The following FZD6 variants were observed in gnomAD, a reference collection of about 807,000 sequenced individuals.
FZD6 encodes frizzled class receptor 6.
Under a neutral mutation model 61.4 loss-of-function variants are expected in FZD6, and 49 were observed. That is an observed-to-expected ratio of 0.80 (90% CI 0.63 to 1.01). FZD6 has a LOEUF of 1.01. Ranked by LOEUF, FZD6 falls within the 50% of genes least tolerant of loss-of-function variation. FZD6 has a pLI of 0.00. For missense variants in FZD6, 724 were observed against 848.2 expected (o/e 0.85, Z 1.82); for synonymous variants, 265 against 292.2 (o/e 0.91, Z 0.95).
In FZD6 at chr8:103,324,741, C is replaced by A. The variant is rs1352592850; in HGVS notation, c.635C>A (p.Ala212Glu). 2 of 1,613,830 alleles carry A rather than the reference C, an allele frequency of 1.2e-6. No homozygotes were observed. Among genetic ancestry groups the A allele is most frequent in the African/African-American group, 2.7e-5 (2 of 74,946 alleles). The change falls in exon 4 of 7, where the codon GCA becomes GAA. Residue 212 changes from alanine (A) to glutamate (E), a missense_variant. By Grantham distance (107) the Ala-to-Glu change is moderately radical (BLOSUM62 -1). Transcript: ENST00000358755. Reference sequence around the variant, plus strand: ...ACAGTTTCAATATTTTGTCTTTGTGCAACTCTGTTCACATTCCTTACTTTT... The same window carrying A: ...ACAGTTTCAATATTTTGTCTTTGTGAAACTCTGTTCACATTCCTTACTTTT... ...IGTVSIFCLC[A>E]TLFTFLTFLI...
At chr8:103,319,298 A>C (rs1814716267) in intron 3 of FZD6, among the ~76,000 whole-genome samples, 1 of 152,168 alleles carries the variant, frequency 6.6e-6, no homozygotes, top group South Asian at 2.1e-4. Flanking sequence ...GGGAATTCAA[A>C]AGCTAGTATA....
At chr8:103,317,145 C>A (rs1356648076) in intron 2 of FZD6, among the ~76,000 whole-genome samples, 1 of 152,142 alleles carries the variant, frequency 6.6e-6, no homozygotes, top group Non-Finnish European at 1.5e-5. Flanking sequence ...AATGAGGGCA[C>A]AAGACTCACT....
chr8:103,303,413 C>T (rs77732480), intron 2 of FZD6, among the ~76,000 whole-genome samples: 4,092 of 152,124 alleles, frequency 0.027, 78 homozygotes, highest in East Asian at 0.11. Context: ...TTAATCACCC[C>T]ACTCTACACC....
chr8:103,324,966 T>C lies in FZD6; in HGVS notation c.860T>C (p.Met287Thr), dbSNP rs1398525123. 3 of 1,614,168 alleles carry C rather than the reference T, an allele frequency of 1.9e-6. No homozygotes were observed. Among genetic ancestry groups the C allele is most frequent in the Non-Finnish European group, 1.7e-6 (2 of 1,180,024 alleles). ...SQNKACTVLF[M>T]LLYFFTMAGT... is the part of the protein sequence containing the mutation. ...AATAAGGCTTGCACCGTTTTGTTCATGCTTTTGTATTTTTTCACAATGGCT... is the reference window on the plus strand; with the variant it reads ...AATAAGGCTTGCACCGTTTTGTTCACGCTTTTGTATTTTTTCACAATGGCT... Residue 287 changes from methionine to threonine, a missense_variant, in exon 4 of 7, where the codon ATG (methionine) becomes ACG (threonine). Met to Thr is a moderately conservative substitution (Grantham distance 81). Transcript: ENST00000358755.
rs986158242 is a variant in FZD6 at position 103,316,747 on chromosome 8, GT to G, written c.178-1836del. Among the ~76,000 whole-genome samples the G allele has an allele frequency of 1.2e-4, 19 of 152,020 alleles. No individual in the cohort carries two copies. The South Asian group carries it at 3.3e-3, about 27-fold the overall frequency. On this transcript the variant is annotated intron_variant, in intron 2 of 6. Transcript: ENST00000358755. ...AGTTTAATTTAGTTACATGTATTCT[GT>G]TTTTTTCCCCCCTCTGGAAACATTT...
intron 3 of FZD6, among the ~76,000 whole-genome samples, chr8:103,321,646 C>T (rs1390122501): frequency 6.6e-6 from 1 of 152,186 alleles, no homozygotes; most frequent in African/African-American, 2.4e-5. Flanking sequence ...CAGGAGAATG[C>T]CTTTGCCTTG....
chr8:103,322,541 TATG>T (rs1315734219), intron 3 of FZD6, among the ~76,000 whole-genome samples: 1 of 152,198 alleles, frequency 6.6e-6, no homozygotes, highest in Non-Finnish European at 1.5e-5. Context: ...ACAATTAACT[TATG>T]AATGAATGTA....
chr8:103,301,166 G>T (rs1472459787), intron 2 of FZD6, among the ~76,000 whole-genome samples: 2 of 152,132 alleles, frequency 1.3e-5, no homozygotes, highest in Non-Finnish European at 2.9e-5. Context: ...TGATTTTGCA[G>T]CTTTGAAAGT....
intron 4 of FZD6, among the ~76,000 whole-genome samples, chr8:103,326,744 GA>G (rs1814963706): frequency 6.7e-6 from 1 of 149,984 alleles, no homozygotes; most frequent in African/African-American, 2.4e-5. Flanking sequence ...GACTAACTGG[GA>G]AAGTTTATTT....
At chr8:103,302,848 C>T (rs1422754955) in intron 2 of FZD6, among the ~76,000 whole-genome samples, 2 of 152,268 alleles carry the variant, frequency 1.3e-5, no homozygotes, top group South Asian at 2.1e-4. Context: ...GTCCCATCTA[C>T]TCTGGAGGCT....
At chr8:103,329,574 G>T (rs1815059308) in intron 5 of FZD6, 81 bp from the exon 6 acceptor site, 1 of 1,040,304 alleles carries the variant, frequency 9.6e-7, no homozygotes, top group Non-Finnish European at 1.4e-6. Context: ...TTTGGCAAAA[G>T]ATATGTGATA....
intron 4 of FZD6, among the ~76,000 whole-genome samples, 158 bp from the exon 5 acceptor site, chr8:103,328,110 A>G (rs1472856253): frequency 6.6e-6 from 1 of 152,216 alleles, no homozygotes; most frequent in African/African-American, 2.4e-5. Flanking sequence ...TAGATAAAAA[A>G]TGTGTTGCAC....
intron 2 of FZD6, chr8:103,307,797 C>G (rs1450319796): frequency 4.4e-6 from 2 of 455,694 alleles, no homozygotes; most frequent in Non-Finnish European, 8.8e-6. Context: ...ATAAGAGTAG[C>G]AGGTAGCTCA....
chr8:103,326,585 TTATAATCTTCAAGTGGAGAAGGA>T (rs1814955728), intron 4 of FZD6, among the ~76,000 whole-genome samples: 1 of 151,814 alleles, frequency 6.6e-6, no homozygotes, highest in Non-Finnish European at 1.5e-5. Context: ...AATTAGAAAA[TTATAATCTTCAAGTGGAGAAGGA>T]TATAATATTC....
chr8:103,307,849 G>A, intron 2 of FZD6: 1 of 456,032 alleles, frequency 2.2e-6, no homozygotes, highest in South Asian at 1.5e-5. Context: ...CAGGCTGTAA[G>A]GAAACATGCT....
At position 103,331,335 on chromosome 8, in the gene FZD6, A is replaced by G; in HGVS notation, c.1953-6A>G. The G allele has an allele frequency of 6.2e-7, 1 of 1,606,410 alleles. No individual in the cohort carries two copies. The highest frequency in any genetic ancestry group is 8.5e-7 in the Non-Finnish European group (1 of 1,173,058). On this transcript the variant is annotated splice_region_variant and splice_polypyrimidine_tract_variant and intron_variant, in intron 6 of 6. Coordinates refer to ENST00000358755, the MANE Select transcript of FZD6 (RefSeq NM_003506.4). ...TGTGTGTGTCAACTTTTTTTCTTTTATCTAGGATTAGTCCAAAGAGTGATA... is the reference window on the plus strand; with the variant it reads ...TGTGTGTGTCAACTTTTTTTCTTTTGTCTAGGATTAGTCCAAAGAGTGATA...
chr8:103,326,662 T>TA (rs950910050), intron 4 of FZD6, among the ~76,000 whole-genome samples: 2 of 139,602 alleles, frequency 1.4e-5, no homozygotes, highest in Non-Finnish European at 3.1e-5. Context: ...TTTGACTAAG[T>TA]AAAAAAAAAT....
chr8:103,302,249 C>T (rs62525497), intron 2 of FZD6, among the ~76,000 whole-genome samples: 5,509 of 152,212 alleles, frequency 0.036, 170 homozygotes, highest in Non-Finnish European at 0.061. Context: ...CTGCCCCTTT[C>T]CTATTTATCC....
At chr8:103,307,601 A>C (rs963381206) in intron 2 of FZD6, 4 of 374,216 alleles carry the variant, frequency 1.1e-5, no homozygotes, top group Non-Finnish European at 1.6e-5. Context: ...TTTCCAAAAA[A>C]TACTTTTAGA....
Sources: gnomAD v4.1 joint callset for allele counts (sites outside exome capture counted in the v4.1 genomes callset) on GRCh38, gnomAD v4.1.1 for gene constraint, MANE v1.5 for transcripts, NCBI Gene and HGNC (gene_info 2026-07-23, HGNC 2026-07-21) for gene names.